KDM4C: variants seen among roughly 807,000 people sequenced by gnomAD.
KDM4C encodes the protein lysine demethylase 4C.
Under a neutral mutation model 129.3 loss-of-function variants are expected in KDM4C, and 81 were observed. The observed-to-expected ratio is 0.63, with a 90% confidence interval of 0.52 to 0.75. KDM4C has a LOEUF of 0.75. Among genes scored for constraint, KDM4C ranks in the 30% least tolerant of loss-of-function variants. The pLI is 0.00. For synonymous variants in KDM4C, 573 were observed against 456.1 expected, an observed-to-expected ratio of 1.26 and a Z score of -3.26; for missense variants, 1,457 against 1,304.0, an observed-to-expected ratio of 1.12 and a Z score of -1.81.
At chr9:7,118,290 CAT>C (rs1442766614) in intron 18 of KDM4C, among the ~76,000 whole-genome samples, 3 of 152,182 alleles carry the variant, frequency 2.0e-5, no homozygotes, top group African/African-American at 7.2e-5. Context: ...AACATACACA[CAT>C]GTGGAAAATT....
intron 17 of KDM4C, among the ~76,000 whole-genome samples, chr9:7,063,397 A>G (rs1831987889): frequency 6.6e-6 from 1 of 152,216 alleles, no homozygotes; most frequent in African/African-American, 2.4e-5. Flanking sequence ...GCCGATGGCT[A>G]ATGACCAACA....
At chr9:6,846,432 A>T (rs138235922) in intron 4 of KDM4C, among the ~76,000 whole-genome samples, 28 of 152,222 alleles carry the variant, frequency 1.8e-4, no homozygotes, top group Non-Finnish European at 5.9e-5. Flanking sequence ...TGGTCTAAGT[A>T]TATGAGACAG....
At chr9:7,006,509 C>G (rs1223883669) in intron 12 of KDM4C, among the ~76,000 whole-genome samples, 1 of 151,936 alleles carries the variant, frequency 6.6e-6, no homozygotes, top group African/African-American at 2.4e-5. Flanking sequence ...ATTTGAATGG[C>G]AAGCAGGGAG....
intron 1 of KDM4C, among the ~76,000 whole-genome samples, chr9:6,767,091 G>A (rs1289706386): frequency 2.0e-5 from 3 of 151,796 alleles, no homozygotes; most frequent in African/African-American, 4.8e-5. Flanking sequence ...TTTTTTGCAG[G>A]TAGTTTATCT....
chr9:6,945,080 G>C (rs1453146081), intron 8 of KDM4C, among the ~76,000 whole-genome samples: 1 of 151,918 alleles, frequency 6.6e-6, no homozygotes, highest in African/African-American at 2.4e-5. Flanking sequence ...TCTCTTTCTT[G>C]CTCTACACAG....
chr9:6,961,505 G>C (rs1266139657), intron 8 of KDM4C, among the ~76,000 whole-genome samples: 1 of 152,136 alleles, frequency 6.6e-6, no homozygotes. Context: ...TGTTTGTAAA[G>C]AAGGTAACAT....
chr9:6,807,303 A>C (rs185078762), intron 3 of KDM4C, among the ~76,000 whole-genome samples: 22,926 of 146,600 alleles, frequency 0.16, 2,771 homozygotes, highest in African/African-American at 0.34. Context: ...CCAGCCGCCA[A>C]CCCGTCTGGG....
At chr9:6,956,944 T>C (rs1165217122) in intron 8 of KDM4C, among the ~76,000 whole-genome samples, 1 of 152,182 alleles carries the variant, frequency 6.6e-6, no homozygotes, top group Non-Finnish European at 1.5e-5. Context: ...CTTGGTTCTG[T>C]TTCTGAAATA....
At chr9:6,939,711 C>G (rs1340724334) in intron 8 of KDM4C, among the ~76,000 whole-genome samples, 2 of 152,174 alleles carry the variant, frequency 1.3e-5, no homozygotes, top group Non-Finnish European at 1.5e-5. Flanking sequence ...CAGTCTGTTT[C>G]TAATTAATGA....
At chr9:6,842,954 G>A (rs1201731828) in intron 4 of KDM4C, among the ~76,000 whole-genome samples, 1 of 152,166 alleles carries the variant, frequency 6.6e-6, no homozygotes, top group Non-Finnish European at 1.5e-5. Context: ...TTCTGAGACA[G>A]AGTCTCGCTC....
chr9:6,997,266 T>C (rs1819935034), intron 12 of KDM4C, among the ~76,000 whole-genome samples: 1 of 152,060 alleles, frequency 6.6e-6, no homozygotes, highest in Admixed American at 6.5e-5. Flanking sequence ...AGGACCAGAA[T>C]GGGCGCAGAG....
intron 17 of KDM4C, among the ~76,000 whole-genome samples, chr9:7,082,242 C>A (rs558124002): frequency 5.9e-5 from 9 of 152,240 alleles, no homozygotes; most frequent in Admixed American, 2.6e-4. Flanking sequence ...TTCTTTCCAC[C>A]TTAGCCCACC....
intron 4 of KDM4C, among the ~76,000 whole-genome samples, chr9:6,833,488 T>C (rs961042411): frequency 2.6e-5 from 4 of 152,140 alleles, no homozygotes; most frequent in Non-Finnish European, 4.4e-5. Flanking sequence ...TCAGAAACAA[T>C]AGAGCCAGCA....
chr9:7,131,946 T>C (rs923722439), intron 19 of KDM4C, among the ~76,000 whole-genome samples: 6 of 152,176 alleles, frequency 3.9e-5, no homozygotes, highest in African/African-American at 1.4e-4. Flanking sequence ...GTCCAAAAAC[T>C]CTCTAATCCA....
intron 17 of KDM4C, among the ~76,000 whole-genome samples, chr9:7,053,376 T>C (rs1444499208): frequency 6.6e-6 from 1 of 152,170 alleles, no homozygotes; most frequent in Non-Finnish European, 1.5e-5. Context: ...CTTGAGCAGA[T>C]TTTTTCCTCT....
At chr9:6,835,268 G>T in intron 4 of KDM4C, 1 of 913,160 alleles carries the variant, frequency 1.1e-6, no homozygotes, top group Non-Finnish European at 1.8e-6. Context: ...GAATCCTGTG[G>T]CATCCATGAA....
At chr9:6,803,761 A>AG (rs1829448994) in intron 2 of KDM4C, among the ~76,000 whole-genome samples, 1 of 151,978 alleles carries the variant, frequency 6.6e-6, no homozygotes, top group African/African-American at 2.4e-5. Context: ...GAAAAAAAAA[A>AG]AAAAAAGAAA....
intron 21 of KDM4C, among the ~76,000 whole-genome samples, chr9:7,172,244 G>A (rs977024578): frequency 1.3e-5 from 2 of 152,120 alleles, no homozygotes; most frequent in Admixed American, 6.5e-5. Context: ...ACGCTGACTG[G>A]GGGAGAAACT....
chr9:7,057,799 G>T (rs1831067853), intron 17 of KDM4C, among the ~76,000 whole-genome samples: 1 of 152,310 alleles, frequency 6.6e-6, no homozygotes, highest in South Asian at 2.1e-4. Flanking sequence ...AAACGTCTGA[G>T]ATTCCACCAA....
Sources: allele counts gnomAD v4.1 joint callset (sites outside exome capture counted in the v4.1 genomes callset), GRCh38; gene constraint gnomAD v4.1.1; transcripts MANE v1.5; gene names NCBI Gene and HGNC (gene_info 2026-07-23, HGNC 2026-07-21).